NAV3: variants seen among roughly 807,000 people sequenced by gnomAD.
NAV3 encodes the protein neuron navigator 3.
Under a neutral mutation model 244.7 loss-of-function variants are expected in NAV3, and 87 were observed. That is an observed-to-expected ratio of 0.36 (90% CI 0.30 to 0.42). The LOEUF is 0.42. Among genes scored for constraint, NAV3 ranks in the 20% least tolerant of loss-of-function variants. The pLI is 1.00. For synonymous variants in NAV3, 1,126 were observed against 1,042.2 expected (o/e 1.08, Z -1.55); for missense variants, 2,663 against 2,893.3 (o/e 0.92, Z 1.83).
intron 8 of NAV3, chr12:78,011,026 A>G (rs1875182201): frequency 6.6e-6 from 1 of 152,156 alleles, no homozygotes; most frequent in African/African-American, 2.4e-5. Context: ...ATCTCTACAG[A>G]GTGATAAAGT....
At chr12:78,079,868 G>A (rs930325584) in intron 12 of NAV3, among the ~76,000 whole-genome samples, 1 of 152,180 alleles carries the variant, frequency 6.6e-6, no homozygotes, top group South Asian at 2.1e-4. Context: ...TAAAGAAAGT[G>A]AAGGTCACTT....
In NAV3 at chr12:78,194,525, A is replaced by T. The variant is rs1301577481; in HGVS notation, c.6292-2722A>T. Reference sequence around the variant, plus strand: ...CACGTTGTTCCTTGTTCAGTCCCTTAGTATCTCTAGGCTTCAATAATTTCA... The same window carrying T: ...CACGTTGTTCCTTGTTCAGTCCCTTTGTATCTCTAGGCTTCAATAATTTCA... On this transcript the variant is annotated intron_variant, in intron 34 of 39. Transcript: ENST00000397909. Among the ~76,000 whole-genome samples the T allele has an allele frequency of 2.0e-5, 3 of 152,002 alleles. No individual in the cohort carries two copies. The East Asian group carries it at 5.8e-4, about 29-fold the overall frequency.
At chr12:77,574,750 C>G (rs1868999346) in intron 2 of NAV3, among the ~76,000 whole-genome samples, 1 of 152,000 alleles carries the variant, frequency 6.6e-6, no homozygotes, top group South Asian at 2.1e-4. Context: ...AAATCACTAG[C>G]TTTTGTTAAT....
chr12:78,003,613 GTGC>G (rs1873705128), intron 7 of NAV3, among the ~76,000 whole-genome samples: 1 of 152,174 alleles, frequency 6.6e-6, no homozygotes, highest in Non-Finnish European at 1.5e-5. Context: ...TGGTAACATG[GTGC>G]TAACTCTACA....
chr12:77,653,222 G>C (rs117659515), intron 2 of NAV3, among the ~76,000 whole-genome samples: 20 of 152,162 alleles, frequency 1.3e-4, no homozygotes, highest in Non-Finnish European at 2.9e-4. Flanking sequence ...CACCTGCTTT[G>C]GCTGTTCAAG....
chr12:77,654,233 A>T (rs893948615), intron 2 of NAV3, among the ~76,000 whole-genome samples: 10 of 152,250 alleles, frequency 6.6e-5, no homozygotes, highest in Non-Finnish European at 1.3e-4. Flanking sequence ...CACCTGGAAA[A>T]TCGGGTCACT....
chr12:77,941,034 G>A (rs1370806971), intron 2 of NAV3, 47 bp from the exon 3 acceptor site: 1 of 1,204,272 alleles, frequency 8.3e-7, no homozygotes, highest in South Asian at 1.3e-5. Flanking sequence ...CATTGCTTAA[G>A]CATGTCGTTC....
At position 77,845,877 on chromosome 12, in the gene NAV3, C is replaced by A. The variant is rs555748126; in HGVS notation, c.243+14173C>A. 7.2e-5 allele frequency among the ~76,000 whole-genome samples: 11 copies of A among 152,032 alleles called. No homozygotes were observed. In the South Asian group the frequency reaches 2.3e-3, roughly 32 times the overall value. On this transcript the variant is annotated intron_variant, in intron 1 of 39. Coordinates refer to ENST00000397909, the MANE Select transcript of NAV3 (RefSeq NM_001024383.2). ...CATGTTGCTCAGGCTGGTCTCGAAC[C>A]CCTGACATCAGGTGATCTGCCCACC... is the stretch of plus-strand genomic sequence containing the variant.
At chr12:77,788,913 C>T (rs1402679634) in intron 2 of NAV3, among the ~76,000 whole-genome samples, 1 of 152,128 alleles carries the variant, frequency 6.6e-6, no homozygotes, top group African/African-American at 2.4e-5. Flanking sequence ...TTCTTCATGA[C>T]CAGTTTCTCC....
intron 1 of NAV3, among the ~76,000 whole-genome samples, chr12:77,836,313 T>C (rs1874624828): frequency 2.0e-5 from 3 of 152,176 alleles, no homozygotes; most frequent in Admixed American, 2.0e-4. Context: ...CAATCCCCAG[T>C]CTCCTTCCAA....
At chr12:77,623,116 G>A (rs1269081016) in intron 2 of NAV3, among the ~76,000 whole-genome samples, 2 of 152,114 alleles carry the variant, frequency 1.3e-5, no homozygotes, top group African/African-American at 4.8e-5. Context: ...GGATGTCTTG[G>A]TATAGGATGG....
intron 2 of NAV3, among the ~76,000 whole-genome samples, chr12:77,625,273 T>C (rs901896437): frequency 9.9e-5 from 15 of 152,204 alleles, no homozygotes; most frequent in African/African-American, 3.4e-4. Flanking sequence ...ATTATTCTAC[T>C]GAGTTTTTAA....
chr12:77,933,236 C>T (rs1427629601), intron 1 of NAV3, among the ~76,000 whole-genome samples: 1 of 152,030 alleles, frequency 6.6e-6, no homozygotes, highest in Non-Finnish European at 1.5e-5. Context: ...TAGTATAATG[C>T]TTAGCCTGCC....
chr12:77,589,298 G>A (rs1228423109), intron 2 of NAV3, among the ~76,000 whole-genome samples: 1 of 151,942 alleles, frequency 6.6e-6, no homozygotes, highest in Non-Finnish European at 1.5e-5. Flanking sequence ...CCTCCAAACT[G>A]TTCTATCCTC....
At chr12:77,617,234 G>C (rs1391542739) in intron 2 of NAV3, among the ~76,000 whole-genome samples, 4 of 152,130 alleles carry the variant, frequency 2.6e-5, no homozygotes, top group Non-Finnish European at 5.9e-5. Context: ...AACTGTAGTA[G>C]CCAGTCCCCA....
At chr12:77,629,250 T>C (rs921319650) in intron 2 of NAV3, among the ~76,000 whole-genome samples, 2 of 152,242 alleles carry the variant, frequency 1.3e-5, no homozygotes, top group Non-Finnish European at 2.9e-5. Context: ...ACATAAGTAT[T>C]CAATAAATAT....
Position 78,180,944 on chromosome 12 carries a change from G to T in NAV3, c.5591G>T (p.Arg1864Leu). ...AETGNTAKPT[R>L]PPSESSSSTS... ...ACTGGTAACACAGCTAAGCCTACTC[G>T]GCCACCGTCAGAATCCTCAAGCAGC... Residue 1864 changes from arginine to leucine, a missense_variant, in exon 30 of 40, where the codon CGG (arginine) becomes CTG (leucine). Around this residue, in one of 6 missense-constraint regions of NAV3, gnomAD observed 543 missense variants for 672.4 expected, o/e 0.81. Transcript: ENST00000397909. 6.2e-7 allele frequency: 1 copy of T among 1,613,038 alleles called. No homozygotes were observed.
At chr12:78,119,205 G>A (rs1336714490) in intron 14 of NAV3, 32 bp from the exon 15 acceptor site, 9 of 1,576,930 alleles carry the variant, frequency 5.7e-6, no homozygotes, top group African/African-American at 1.4e-5. Context: ...AACTCTACAG[G>A]CACATATATT....
chr12:78,140,808 A>G (rs1011250555), intron 20 of NAV3, among the ~76,000 whole-genome samples: 4 of 136,076 alleles, frequency 2.9e-5, no homozygotes, highest in Non-Finnish European at 6.4e-5. Context: ...GTAAAAGCAT[A>G]AAAGAACCAG....
Sources: gnomAD v4.1 joint callset for allele counts (sites outside exome capture counted in the v4.1 genomes callset) on GRCh38, gnomAD v4.1.1 for gene constraint, gnomAD v4.1.1 regional missense constraint, MANE v1.5 for transcripts, NCBI Gene and HGNC (gene_info 2026-07-23, HGNC 2026-07-21) for gene names.